ADK: variants seen among roughly 807,000 people sequenced by gnomAD.
The protein encoded by ADK is N6,N6-dimethyladenosine kinase.
Under a neutral mutation model 44.7 loss-of-function variants are expected in ADK, and 24 were observed. That is an observed-to-expected ratio of 0.54 (90% CI 0.39 to 0.76). The LOEUF is 0.76. Among genes scored for constraint, ADK ranks in the 30% least tolerant of loss-of-function variants. The pLI is 0.00. For missense variants in ADK, 321 were observed against 425.1 expected (o/e 0.76, Z 2.15); for synonymous variants, 128 against 142.6 (o/e 0.90, Z 0.73).
intron 3 of ADK, among the ~76,000 whole-genome samples, chr10:74,229,766 T>C (rs1268547285): frequency 6.6e-6 from 1 of 152,132 alleles, no homozygotes; most frequent in African/African-American, 2.4e-5. Context: ...GATCATAGAC[T>C]GGGCTTGTGC....
chr10:74,406,037 C>T (rs1351886535), intron 6 of ADK, among the ~76,000 whole-genome samples: 4 of 152,176 alleles, frequency 2.6e-5, no homozygotes, highest in Non-Finnish European at 5.9e-5. Context: ...TTCCTCAACT[C>T]ACTGGCATCT....
intron 3 of ADK, among the ~76,000 whole-genome samples, chr10:74,284,844 A>G (rs1421225155): frequency 1.3e-5 from 2 of 152,226 alleles, no homozygotes; most frequent in Non-Finnish European, 2.9e-5. Flanking sequence ...GTCTTTTACA[A>G]TGCTATAGGA....
chr10:74,554,478 G>A (rs1016353055), intron 7 of ADK, among the ~76,000 whole-genome samples: 1 of 151,878 alleles, frequency 6.6e-6, no homozygotes, highest in Non-Finnish European at 1.5e-5. Flanking sequence ...GTTTCTTTAA[G>A]TTCCAATACA....
intron 1 of ADK, among the ~76,000 whole-genome samples, chr10:74,189,707 T>G (rs1298323066): frequency 6.6e-6 from 1 of 152,194 alleles, no homozygotes; most frequent in African/African-American, 2.4e-5. Flanking sequence ...CAGAACGTTT[T>G]TGTCCCCCAA....
intron 6 of ADK, among the ~76,000 whole-genome samples, chr10:74,430,670 A>G (rs1324718670): frequency 6.6e-6 from 1 of 152,136 alleles, no homozygotes; most frequent in East Asian, 1.9e-4. Flanking sequence ...TTTAATTCTT[A>G]CATTCTACCA....
At chr10:74,436,756 G>A (rs1052358501) in intron 6 of ADK, among the ~76,000 whole-genome samples, 1 of 152,102 alleles carries the variant, frequency 6.6e-6, no homozygotes, top group African/African-American at 2.4e-5. Context: ...TACAAAAATC[G>A]AGTAAATGGA....
At chr10:74,613,492 T>A (rs969626219) in intron 9 of ADK, among the ~76,000 whole-genome samples, 1 of 152,096 alleles carries the variant, frequency 6.6e-6, no homozygotes, top group Non-Finnish European at 1.5e-5. Context: ...CTTTAAATAG[T>A]CTCCTACTTT....
intron 3 of ADK, among the ~76,000 whole-genome samples, chr10:74,274,727 TGTGTGTATATATATATATATACACAC>T (rs1268555822): frequency 9.3e-6 from 1 of 108,062 alleles, no homozygotes; most frequent in African/African-American, 3.6e-5. Context: ...AAAATTTTAA[TGTGTGTATATATATATATATACACAC>T]ACACATTATA....
intron 6 of ADK, among the ~76,000 whole-genome samples, chr10:74,468,622 A>G (rs1359080998): frequency 7.2e-5 from 11 of 152,196 alleles, no homozygotes; most frequent in Admixed American, 7.2e-4. Context: ...TGCAAGTTTA[A>G]TAACCTTTCT....
chr10:74,637,090 A>T (rs1375101807), intron 9 of ADK, among the ~76,000 whole-genome samples: 1 of 152,218 alleles, frequency 6.6e-6, no homozygotes, highest in African/African-American at 2.4e-5. Context: ...GACTAGAAGG[A>T]TAATGATAAA....
chr10:74,398,000 T>G (rs1564698423), intron 5 of ADK, among the ~76,000 whole-genome samples: 1 of 152,244 alleles, frequency 6.6e-6, no homozygotes, highest in African/African-American at 2.4e-5. Context: ...TGGTCTACAT[T>G]TATAAGTGTC....
chr10:74,595,719 G>GCAC (rs1851897013), intron 8 of ADK, among the ~76,000 whole-genome samples: 1 of 20 alleles, frequency 0.05, no homozygotes, highest in Non-Finnish European at 0.17. Flanking sequence ...ATATGGCCGG[G>GCAC]TGTGGTGGCT....
chr10:74,155,674 GC>G (rs1365005309), intron 1 of ADK, among the ~76,000 whole-genome samples: 1 of 151,996 alleles, frequency 6.6e-6, no homozygotes, highest in Non-Finnish European at 1.5e-5. Flanking sequence ...GACTACAGGC[GC>G]CTGCCATCAC....
At chr10:74,651,744 G>A (rs537899976) in intron 9 of ADK, among the ~76,000 whole-genome samples, 59 of 152,264 alleles carry the variant, frequency 3.9e-4, no homozygotes, top group African/African-American at 1.4e-3. Flanking sequence ...GAAGAGCTTT[G>A]TATATGCAGA....
chr10:74,466,141 G>A (rs1466529695), intron 6 of ADK, among the ~76,000 whole-genome samples: 4 of 152,046 alleles, frequency 2.6e-5, no homozygotes, highest in African/African-American at 9.7e-5. Flanking sequence ...ACTGTTGCAT[G>A]TTATGTCATG....
At chr10:74,405,065 T>C (rs7906759) in intron 6 of ADK, among the ~76,000 whole-genome samples, 98,186 of 151,910 alleles carry the variant, frequency 0.65, 33,058 homozygotes, top group Middle Eastern at 0.8. Flanking sequence ...TTTATTTTGT[T>C]TCTTTCTCTA....
chr10:74,276,345 A>G (rs1323355835), intron 3 of ADK, among the ~76,000 whole-genome samples: 1 of 152,148 alleles, frequency 6.6e-6, no homozygotes, highest in Non-Finnish European at 1.5e-5. Context: ...CCTTTCTACT[A>G]CGTAGCTTCT....
At chr10:74,274,138 C>T (rs1846560357) in intron 3 of ADK, among the ~76,000 whole-genome samples, 1 of 152,080 alleles carries the variant, frequency 6.6e-6, no homozygotes, top group Admixed American at 6.5e-5. Flanking sequence ...TTTTACTCTC[C>T]CAAAACTTAA....
intron 10 of ADK, among the ~76,000 whole-genome samples, chr10:74,690,845 A>C (rs779374995): frequency 6.6e-5 from 10 of 152,200 alleles, no homozygotes; most frequent in Non-Finnish European, 1.5e-4. Context: ...CCCAAAGCCC[A>C]GTACCTAGAC....
Sources: allele counts gnomAD v4.1 joint callset (sites outside exome capture counted in the v4.1 genomes callset), GRCh38; gene constraint gnomAD v4.1.1; transcripts MANE v1.5; gene names NCBI Gene and HGNC (gene_info 2026-07-23, HGNC 2026-07-21).